Variants in UNC80 observed in about 807,000 individuals in gnomAD.
The protein encoded by UNC80 is protein unc-80 homolog.
A neutral mutation model predicts 384.6 loss-of-function variants in UNC80; 164 were observed. That is an observed-to-expected ratio of 0.43 (90% confidence interval 0.38 to 0.49). The LOEUF (loss-of-function observed/expected upper bound fraction) is 0.49, where lower values mean the gene tolerates loss of function less well. UNC80 is among the 20% of genes least tolerant of loss of function. The pLI is 0.00. For synonymous variants in UNC80, 1,486 were observed against 1,527.8 expected, an observed-to-expected ratio of 0.97 and a Z score of 0.64; for missense variants, 3,330 against 4,143.0, an observed-to-expected ratio of 0.80 and a Z score of 5.39.
chr2:209,809,331 C>T (rs989323607), intron 7 of UNC80: 119 of 801,072 alleles, frequency 1.5e-4, no homozygotes, highest in Non-Finnish European at 1.6e-4. Flanking sequence ...CCTTCGCCTG[C>T]GAAACCTGCG....
intron 3 of UNC80, 67 bp downstream of exon 3, chr2:209,776,112 A>G: frequency 1.3e-6 from 2 of 1,590,576 alleles, no homozygotes; most frequent in African/African-American, 1.3e-5. Flanking sequence ...CATCATAATA[A>G]CCTGTACTGA....
chr2:209,929,382 A>C lies in UNC80; in HGVS notation c.5807-489A>C, dbSNP rs112058451. Among the ~76,000 whole-genome samples the C allele has an allele frequency of 2.9e-3, 439 of 152,318 alleles. 1 individual carries two copies. Among genetic ancestry groups the C allele is most frequent in the African/African-American group, 0.01 (421 of 41,574 alleles). On this transcript the variant is annotated intron_variant, in intron 36 of 64. Coordinates refer to ENST00000673920, the MANE Select transcript of UNC80 (RefSeq NM_001371986.1). ...CGTTAGAAGTGAGAACCTAATTGTTACTGGCTCAACTACTTTATCTTGCTG... is the reference window on the plus strand; with the variant it reads ...CGTTAGAAGTGAGAACCTAATTGTTCCTGGCTCAACTACTTTATCTTGCTG...
Position 209,877,992 on chromosome 2 carries a change from A to G in UNC80, c.3879A>G (p.Glu1293=). 1 of 1,542,782 alleles carries G rather than the reference A, an allele frequency of 6.5e-7. No homozygotes were observed. ...GVRLNELCHG[E]SESPANLLGL... ...GATTGAATGAGCTGTGCCACGGGGAAAGTGAGAGCCCAGCCAACCTGCTGG... is the reference window on the plus strand; with the variant it reads ...GATTGAATGAGCTGTGCCACGGGGAGAGTGAGAGCCCAGCCAACCTGCTGG... The change falls in exon 24 of 65, where the codon GAA becomes GAG. Residue 1293 remains glutamate, a synonymous_variant. Transcript: ENST00000673920.
At chr2:209,813,446 T>G in intron 7 of UNC80, 134 bp from the exon 8 acceptor site, 1 of 917,912 alleles carries the variant, frequency 1.1e-6, no homozygotes, top group Non-Finnish European at 1.6e-6. Flanking sequence ...TGGAAGGATA[T>G]TAGAGTAAAC....
chr2:209,964,661 G>A (rs1457288193), intron 51 of UNC80, among the ~76,000 whole-genome samples: 2 of 151,752 alleles, frequency 1.3e-5, no homozygotes, highest in African/African-American at 4.8e-5. Context: ...GGTGGCATGC[G>A]CCTGTAGTCC....
intron 62 of UNC80, among the ~76,000 whole-genome samples, chr2:209,992,484 A>T (rs1370277466): frequency 1.3e-5 from 2 of 151,622 alleles, no homozygotes; most frequent in East Asian, 1.9e-4. Context: ...TTTTTTTTTT[A>T]AAGTTTATAT....
intron 23 of UNC80, among the ~76,000 whole-genome samples, chr2:209,877,696 A>G (rs559733175): frequency 6.6e-6 from 1 of 152,330 alleles, no homozygotes; most frequent in South Asian, 2.1e-4. Context: ...ATTTTCAGAA[A>G]AACTTTTGTA....
intron 4 of UNC80, 53 bp downstream of exon 4, chr2:209,777,612 A>G (rs938646164): frequency 3.7e-5 from 57 of 1,525,892 alleles, no homozygotes; most frequent in Admixed American, 4.1e-5. Context: ...TGGTGAGGGT[A>G]GACTTCAAAT....
chr2:209,842,735 C>T (rs977993326), intron 21 of UNC80, among the ~76,000 whole-genome samples: 13 of 152,168 alleles, frequency 8.5e-5, no homozygotes, highest in Admixed American at 1.3e-4. Flanking sequence ...CTTTACAAAA[C>T]TTCCAGAGAT....
rs780485288 is a variant in UNC80 at position 209,995,415 on chromosome 2, A to G, written c.9795A>G (p.Gln3265=). The G allele has an allele frequency of 1.3e-6, 2 of 1,551,848 alleles. No homozygotes were observed. The highest frequency in any genetic ancestry group is 2.0e-5 in the Admixed American group (1 of 51,000). Residue 3265 remains glutamine (Q), a synonymous_variant, in exon 65 of 65, where the codon CAA becomes CAG. Transcript: ENST00000673920. ...GATAHSPLSA[Q]LSDPDDFTGL... Reference sequence around the variant, plus strand: ...CTGCACACAGTCCACTCTCTGCCCAACTCTCTGACCCTGATGACTTCACAG... The same window carrying G: ...CTGCACACAGTCCACTCTCTGCCCAGCTCTCTGACCCTGATGACTTCACAG...
At chr2:209,840,856 G>T (rs553075236) in intron 20 of UNC80, among the ~76,000 whole-genome samples, 13 of 152,236 alleles carry the variant, frequency 8.5e-5, no homozygotes, top group Middle Eastern at 3.4e-3. Flanking sequence ...GAAAAGTGTG[G>T]TCAAAAAATT....
At chr2:209,880,029 G>T (rs937903189) in intron 24 of UNC80, among the ~76,000 whole-genome samples, 4 of 152,162 alleles carry the variant, frequency 2.6e-5, no homozygotes, top group African/African-American at 4.8e-5. Context: ...TATTGTGATT[G>T]CTTGATGACT....
At chr2:209,800,485 G>A (rs1214887168) in intron 7 of UNC80, among the ~76,000 whole-genome samples, 1 of 11,180 alleles carries the variant, frequency 8.9e-5, no homozygotes, top group South Asian at 4.9e-3. Context: ...TATTTGTTTT[G>A]TTATTTAAAA....
intron 22 of UNC80, among the ~76,000 whole-genome samples, chr2:209,858,705 AAAG>A (rs2083124497): frequency 6.6e-6 from 1 of 151,288 alleles, no homozygotes; most frequent in Admixed American, 6.6e-5. Flanking sequence ...AAAAAAAAAA[AAAG>A]AAAGAAAAAA....
intron 20 of UNC80, among the ~76,000 whole-genome samples, chr2:209,841,734 A>C (rs60003273): frequency 0.011 from 1,624 of 152,308 alleles, 28 homozygotes; most frequent in African/African-American, 0.037. Flanking sequence ...GCATATTTAG[A>C]AAATATATGT....
intron 47 of UNC80, among the ~76,000 whole-genome samples, chr2:209,948,284 T>G (rs1040966573): frequency 5.9e-5 from 9 of 152,150 alleles, no homozygotes; most frequent in Admixed American, 5.9e-4. Context: ...CAATTTTCAT[T>G]CCCACCAACA....
chr2:209,933,507 T>A (rs1435157985), intron 38 of UNC80, among the ~76,000 whole-genome samples: 2 of 132,532 alleles, frequency 1.5e-5, no homozygotes, highest in Non-Finnish European at 3.0e-5. Flanking sequence ...AAACTTCTTA[T>A]ACAGATGAAT....
chr2:209,777,593 G>T (rs1462024343), intron 4 of UNC80, 34 bp downstream of exon 4: 1 of 1,568,714 alleles, frequency 6.4e-7, no homozygotes, highest in Non-Finnish European at 8.6e-7. Context: ...GCTGGAGTGG[G>T]TGGAGATGTG....
At chr2:209,971,949 A>G (rs556603251) in intron 54 of UNC80, among the ~76,000 whole-genome samples, 3 of 152,312 alleles carry the variant, frequency 2.0e-5, no homozygotes, top group South Asian at 4.1e-4. Context: ...GTACCTGACC[A>G]TAAGTATTCT....
Sources: allele counts gnomAD v4.1 joint callset (sites outside exome capture counted in the v4.1 genomes callset), GRCh38; gene constraint gnomAD v4.1.1; transcripts MANE v1.5; gene names NCBI Gene and HGNC (gene_info 2026-07-23, HGNC 2026-07-21).